The following KCNK2 variants were observed in gnomAD, a reference collection of about 807,000 sequenced individuals.
KCNK2 encodes the protein potassium two pore domain channel subfamily K member 2.
In KCNK2, 21 loss-of-function variants were observed where a neutral mutation model predicts 40.5. The observed-to-expected ratio is 0.52, with a 90% CI of 0.37 to 0.75. The LOEUF (loss-of-function observed/expected upper bound fraction) is 0.75, where lower values mean the gene tolerates loss of function less well. Ranked by LOEUF, KCNK2 falls within the 30% of genes least tolerant of loss-of-function variation. KCNK2 has a pLI of 0.00. For synonymous variants in KCNK2, 191 were observed against 202.2 expected (o/e 0.94, Z 0.47); for missense variants, 399 against 531.6 (o/e 0.75, Z 2.45).
intron 6 of KCNK2, among the ~76,000 whole-genome samples, chr1:215,201,509 G>C (rs1282481825): frequency 6.6e-6 from 1 of 152,306 alleles, no homozygotes; most frequent in African/African-American, 2.4e-5. Context: ...ATGACTAATA[G>C]AAATCCATAT....
intron 1 of KCNK2, among the ~76,000 whole-genome samples, chr1:215,007,298 T>C (rs1443820322): frequency 1.4e-5 from 2 of 146,092 alleles, no homozygotes; most frequent in Non-Finnish European, 3.0e-5. Context: ...TCAGCACTTC[T>C]GGAGCCCCCT....
chr1:215,169,101 T>G (rs1663579738), intron 3 of KCNK2, 98 bp from the exon 4 acceptor site: 1 of 841,532 alleles, frequency 1.2e-6, no homozygotes, highest in African/African-American at 1.7e-5. Flanking sequence ...AAATCAATTA[T>G]TGATATCTTG....
intron 3 of KCNK2, among the ~76,000 whole-genome samples, chr1:215,150,579 A>G (rs892653697): frequency 1.3e-5 from 2 of 152,144 alleles, no homozygotes; most frequent in Admixed American, 6.6e-5. Context: ...CATATAACTT[A>G]CAACGATTAC....
chr1:215,152,599 G>A (rs1662731158), intron 3 of KCNK2, among the ~76,000 whole-genome samples: 1 of 152,120 alleles, frequency 6.6e-6, no homozygotes. Context: ...TGTATCAGCA[G>A]TTTCTTCATC....
rs554898971 is a variant in KCNK2 at position 215,068,600 on chromosome 1, T to C, written c.35-17768T>C. Reference sequence around the variant, plus strand: ...ACAAACAAAAATATAATTTATTCTATTAATAGCTACACTTGGTGGCTGGTA... The same window carrying C: ...ACAAACAAAAATATAATTTATTCTACTAATAGCTACACTTGGTGGCTGGTA... On this transcript the variant is annotated intron_variant, in intron 1 of 6. Coordinates refer to the KCNK2 transcript ENST00000391895. Among the ~76,000 whole-genome samples the C allele has an allele frequency of 3.9e-5, 6 of 152,172 alleles. No homozygotes were observed. In the East Asian group the frequency reaches 1.2e-3, roughly 29 times the overall value.
intron 1 of KCNK2, among the ~76,000 whole-genome samples, chr1:215,071,387 T>C (rs1335108416): frequency 6.6e-6 from 1 of 152,170 alleles, no homozygotes; most frequent in Non-Finnish European, 1.5e-5. Flanking sequence ...TCAGAAGTGC[T>C]TTCTATAATA....
intron 2 of KCNK2, among the ~76,000 whole-genome samples, chr1:215,089,838 TA>T (rs35335234): frequency 0.74 from 106,245 of 142,684 alleles, 39,757 homozygotes; most frequent in Non-Finnish European, 0.77. Context: ...TTTTTTTTTT[TA>T]TTTTGAAACA....
Position 215,083,292 on chromosome 1 carries a change from C to A in KCNK2, c.-94C>A, listed in dbSNP as rs200437003. 4 of 1,613,268 alleles carry A rather than the reference C, an allele frequency of 2.5e-6. No homozygotes were observed. Among genetic ancestry groups the A allele is most frequent in the African/African-American group, 2.7e-5 (2 of 74,786 alleles). On this transcript the variant is annotated 5_prime_UTR_variant, in exon 1 of 7. Coordinates refer to ENST00000444842, the MANE Select transcript of KCNK2 (RefSeq NM_001017425.3). ...CCCGTGCAGCTCGGAGCGCGCAGCC[C>A]GTCTCTGAATAAGAAGTGAGTACAA... is the stretch of plus-strand genomic sequence containing the variant.
At chr1:215,091,919 A>G (rs1659708724) in intron 2 of KCNK2, among the ~76,000 whole-genome samples, 1 of 152,142 alleles carries the variant, frequency 6.6e-6, no homozygotes, top group South Asian at 2.1e-4. Context: ...GGAGAGGTAG[A>G]AGGTGATGTC....
chr1:215,169,733 C>A (rs945887159), intron 4 of KCNK2, among the ~76,000 whole-genome samples: 3 of 151,700 alleles, frequency 2.0e-5, no homozygotes, highest in African/African-American at 7.3e-5. Context: ...GCAACCTCCA[C>A]CTCCCAGGTT....
chr1:215,048,995 T>G (rs757847342), intron 1 of KCNK2, among the ~76,000 whole-genome samples: 10 of 152,186 alleles, frequency 6.6e-5, no homozygotes, highest in Non-Finnish European at 1.0e-4. Context: ...AGCATGTAAG[T>G]TTTCATTTCC....
intron 3 of KCNK2, among the ~76,000 whole-genome samples, chr1:215,147,825 ACT>A (rs1303949301): frequency 6.6e-6 from 1 of 151,688 alleles, no homozygotes; most frequent in East Asian, 1.9e-4. Context: ...ACAGAGTGAG[ACT>A]CTGTCTCAAA....
intron 3 of KCNK2, among the ~76,000 whole-genome samples, chr1:215,142,190 T>A (rs1662212749): frequency 6.6e-6 from 1 of 152,150 alleles, no homozygotes; most frequent in South Asian, 2.1e-4. Flanking sequence ...CCTAATTTTG[T>A]CTTTAAATCA....
chr1:215,231,157 G>A (rs1666647395), intron 6 of KCNK2, among the ~76,000 whole-genome samples: 1 of 152,026 alleles, frequency 6.6e-6, no homozygotes, highest in Admixed American at 6.6e-5. Context: ...CCAACTTATT[G>A]GGACCACTTA....
At chr1:215,009,601 A>G (rs1227017402) in intron 1 of KCNK2, among the ~76,000 whole-genome samples, 1 of 151,952 alleles carries the variant, frequency 6.6e-6, no homozygotes, top group African/African-American at 2.4e-5. Context: ...ATCTAGTATA[A>G]TTTGTTTAAT....
chr1:215,090,696 C>T (rs1659656489), intron 2 of KCNK2, among the ~76,000 whole-genome samples: 2 of 152,134 alleles, frequency 1.3e-5, no homozygotes, highest in Non-Finnish European at 2.9e-5. Context: ...TATATATTGA[C>T]AATAAAAATA....
rs1016893628 is a variant in KCNK2 at position 215,178,997 on chromosome 1, G to A, written c.823+6814G>A. Among the ~76,000 whole-genome samples, 9 of 63,346 alleles carry A rather than the reference G, an allele frequency of 1.4e-4. No homozygotes were observed. The South Asian group carries it at 2.5e-3, about 18-fold the overall frequency. 41.6% of individuals were successfully genotyped at this position (63,346 alleles called of 152,430 possible). A position where few individuals can be genotyped will look rare whatever the true frequency, so the allele number is the denominator to read the frequency against. ...AGTCCAGGGATTCCTTTGGTTGGTA[G>A]ATTTTTTTTTTTAATTACTGATTCC... On this transcript the variant is annotated intron_variant, in intron 5 of 6. Coordinates refer to ENST00000444842, the MANE Select transcript of KCNK2 (RefSeq NM_001017425.3).
intron 3 of KCNK2, among the ~76,000 whole-genome samples, chr1:215,151,645 C>T (rs1662689036): frequency 6.6e-6 from 1 of 152,022 alleles, no homozygotes; most frequent in Admixed American, 6.5e-5. Context: ...GATACCTCTT[C>T]ATTCCTCCAG....
At position 215,086,568 on chromosome 1, in the gene KCNK2, T is replaced by C. The variant is rs754956913; in HGVS notation, c.247T>C (p.Leu83=). The C allele has an allele frequency of 6.2e-7, 1 of 1,614,184 alleles. No homozygotes were observed. The highest frequency in any genetic ancestry group is 1.7e-5 in the Admixed American group (1 of 60,022). The change falls in exon 2 of 7, where the codon TTG becomes CTG. Residue 83 remains leucine (L), a synonymous_variant. Coordinates refer to ENST00000444842, the MANE Select transcript of KCNK2 (RefSeq NM_001017425.3). ...CATCGGAGCCACCGTGTTCAAAGCA[T>C]TGGAGCAGCCTCATGAGATTTCACA... ...LIIGATVFKA[L]EQPHEISQRT... is the part of the protein sequence containing the mutation.
Sources: gnomAD v4.1 joint callset for allele counts (sites outside exome capture counted in the v4.1 genomes callset) on GRCh38, gnomAD v4.1.1 for gene constraint, MANE v1.5 for transcripts, NCBI Gene and HGNC (gene_info 2026-07-23, HGNC 2026-07-21) for gene names.